Variants in CDK8 observed in about 807,000 individuals in gnomAD.
The protein encoded by CDK8 is cyclin-dependent kinase 8.
Under a neutral mutation model 71.5 loss-of-function variants are expected in CDK8, and 29 were observed. That is an observed-to-expected ratio of 0.41 (90% CI 0.30 to 0.55). The LOEUF (loss-of-function observed/expected upper bound fraction) is 0.55. CDK8 is among the 20% of genes least tolerant of loss of function. The pLI, the probability that CDK8 is intolerant of heterozygous loss-of-function variation, is 0.37. For synonymous variants in CDK8, 161 were observed against 192.1 expected (o/e 0.84, Z 1.34); for missense variants, 288 against 572.6 (o/e 0.50, Z 5.07).
intron 2 of CDK8, among the ~76,000 whole-genome samples, chr13:26,344,664 A>C (rs1873385627): frequency 6.6e-6 from 1 of 151,994 alleles, no homozygotes; most frequent in Non-Finnish European, 1.5e-5. Context: ...AGACATGAGA[A>C]TTGCTTGAAT....
At chr13:26,327,165 T>A (rs1180725323) in intron 1 of CDK8, among the ~76,000 whole-genome samples, 1 of 152,220 alleles carries the variant, frequency 6.6e-6, no homozygotes, top group African/African-American at 2.4e-5. Flanking sequence ...ACATAACCAT[T>A]GAGGATATAT....
rs369251727 is a variant in CDK8, at chr13:26,258,969, G to A, written c.128+4200G>A. Among the ~76,000 whole-genome samples, 4 of 152,118 alleles carry A rather than the reference G, an allele frequency of 2.6e-5. No individual in the cohort carries two copies. In the South Asian group the frequency reaches 8.3e-4, roughly 31 times the overall value. The stretch of plus-strand genomic sequence containing the variant: ...TAAGATATTGAGGATTTATGGACTA[G>A]TGCCTGTTCCCACTCCCTTGAACCA... On this transcript the variant is annotated intron_variant, in intron 1 of 12. Coordinates refer to ENST00000381527, the MANE Select transcript of CDK8 (RefSeq NM_001260.3).
intron 1 of CDK8, among the ~76,000 whole-genome samples, chr13:26,273,472 T>C (rs1872424909): frequency 6.6e-6 from 1 of 152,176 alleles, no homozygotes; most frequent in Non-Finnish European, 1.5e-5. Context: ...TCTGGGTAGC[T>C]GATTCACTTT....
intron 4 of CDK8, among the ~76,000 whole-genome samples, chr13:26,366,621 T>C (rs1002243089): frequency 2.6e-5 from 4 of 152,188 alleles, no homozygotes; most frequent in African/African-American, 9.6e-5. Flanking sequence ...AAAAGTATAA[T>C]ACTCTAAGTA....
chr13:26,333,051 C>T (rs924396606), intron 1 of CDK8, among the ~76,000 whole-genome samples: 8 of 152,152 alleles, frequency 5.3e-5, no homozygotes, highest in Admixed American at 1.3e-4. Flanking sequence ...GTTGATTCTG[C>T]GTCCTCAAGG....
At chr13:26,399,201 G>A (rs1876137551) in intron 9 of CDK8, among the ~76,000 whole-genome samples, 1 of 151,838 alleles carries the variant, frequency 6.6e-6, no homozygotes, top group African/African-American at 2.4e-5. Context: ...GTAGAGATGG[G>A]GTTTCACCAT....
intron 4 of CDK8, among the ~76,000 whole-genome samples, chr13:26,374,385 C>T (rs1051247844): frequency 3.9e-5 from 6 of 152,130 alleles, no homozygotes; most frequent in African/African-American, 1.4e-4. Context: ...ATGTGGATCA[C>T]AGTATATTAA....
At chr13:26,358,709 A>G (rs1874005362) in intron 4 of CDK8, among the ~76,000 whole-genome samples, 1 of 152,230 alleles carries the variant, frequency 6.6e-6, no homozygotes, top group Non-Finnish European at 1.5e-5. Context: ...TAGCAGCATT[A>G]TTCACAGTAG....
At chr13:26,372,376 C>T (rs1328532411) in intron 4 of CDK8, among the ~76,000 whole-genome samples, 2 of 151,904 alleles carry the variant, frequency 1.3e-5, no homozygotes, top group East Asian at 3.9e-4. Context: ...CACATTAAAA[C>T]AGAAAAACTT....
intron 6 of CDK8, among the ~76,000 whole-genome samples, chr13:26,389,403 G>A (rs796484322): frequency 5.7e-4 from 87 of 151,904 alleles, no homozygotes; most frequent in African/African-American, 2.0e-3. Flanking sequence ...CAAGTGATCC[G>A]CCTGCCTCGG....
At chr13:26,325,379 C>T (rs1874971654) in intron 1 of CDK8, among the ~76,000 whole-genome samples, 1 of 152,144 alleles carries the variant, frequency 6.6e-6, no homozygotes, top group Non-Finnish European at 1.5e-5. Context: ...GGTTTTACCT[C>T]ATTTAAAAGA....
In CDK8 at chr13:26,401,953, T is replaced by C. The variant is rs775828453; in HGVS notation, c.1269+329T>C. On this transcript the variant is annotated intron_variant, in intron 12 of 12. Coordinates refer to ENST00000381527, the MANE Select transcript of CDK8 (RefSeq NM_001260.3). The surrounding 1 kb of genome is among the most constrained non-coding windows in gnomAD (Gnocchi z 4.5). ...CTTGCAGCTGTTGTCAGATTAGACATGAAGTGGCTTGACACCTAGCTTATG... is the reference window on the plus strand; with the variant it reads ...CTTGCAGCTGTTGTCAGATTAGACACGAAGTGGCTTGACACCTAGCTTATG... Among the ~76,000 whole-genome samples, 3 of 152,154 alleles carry C rather than the reference T, an allele frequency of 2.0e-5. No individual in the cohort carries two copies. Among genetic ancestry groups the C allele is most frequent in the Non-Finnish European group, 4.4e-5 (3 of 68,032 alleles).
intron 1 of CDK8, among the ~76,000 whole-genome samples, chr13:26,328,527 A>G (rs1875131058): frequency 6.6e-6 from 1 of 152,234 alleles, no homozygotes; most frequent in African/African-American, 2.4e-5. Flanking sequence ...TGTAATCAGT[A>G]TATAACAATT....
chr13:26,360,246 A>G (rs1416980368), intron 4 of CDK8, among the ~76,000 whole-genome samples: 1 of 152,170 alleles, frequency 6.6e-6, no homozygotes. Flanking sequence ...GTTTGAGGCC[A>G]GAAGTTAGAG....
chr13:26,399,494 C>T (rs572253846), intron 9 of CDK8, among the ~76,000 whole-genome samples: 1 of 152,278 alleles, frequency 6.6e-6, no homozygotes, highest in East Asian at 1.9e-4. Flanking sequence ...CCAGGTGATT[C>T]TCATGCATCC....
intron 4 of CDK8, among the ~76,000 whole-genome samples, chr13:26,354,207 A>G (rs1367353505): frequency 1.3e-5 from 2 of 152,206 alleles, no homozygotes; most frequent in African/African-American, 2.4e-5. Context: ...TTATATATTT[A>G]TAATAACTTG....
intron 4 of CDK8, among the ~76,000 whole-genome samples, chr13:26,369,709 C>CTTTTT (rs36116401): frequency 4.2e-5 from 4 of 95,380 alleles, no homozygotes; most frequent in African/African-American, 8.0e-5. Context: ...TTCTTTCTTT[C>CTTTTT]TTTTTTTTTT....
At chr13:26,342,535 G>A (rs537137198) in intron 2 of CDK8, among the ~76,000 whole-genome samples, 3 of 152,194 alleles carry the variant, frequency 2.0e-5, no homozygotes, top group African/African-American at 7.2e-5. Flanking sequence ...TGCCTGGCGT[G>A]TAGTAGGCAT....
chr13:26,380,266 G>A (rs1207349218), intron 4 of CDK8, among the ~76,000 whole-genome samples: 6 of 151,818 alleles, frequency 4.0e-5, no homozygotes, highest in Admixed American at 6.6e-5. Context: ...TGCAACCTCC[G>A]CCTCCCAGGT....
Sources: gnomAD v4.1 joint callset for allele counts (sites outside exome capture counted in the v4.1 genomes callset) on GRCh38, gnomAD v4.1.1 for gene constraint, Gnocchi (gnomAD v3.1) non-coding constraint, MANE v1.5 for transcripts, NCBI Gene and HGNC (gene_info 2026-07-23, HGNC 2026-07-21) for gene names.